The following DSCAM variants were observed in gnomAD, a reference collection of about 807,000 sequenced individuals.
The protein encoded by DSCAM is DS cell adhesion molecule, also known as cell adhesion molecule DSCAM.
In DSCAM, 47 loss-of-function variants were observed where a neutral mutation model predicts 217.7. That is an observed-to-expected ratio of 0.22 (90% CI 0.17 to 0.28). DSCAM has a LOEUF of 0.28. Among genes scored for constraint, DSCAM ranks in the 10% least tolerant of loss-of-function variants. The pLI, the probability that DSCAM is intolerant of heterozygous loss-of-function variation, is 1.00. For missense variants in DSCAM, 2,080 were observed against 2,618.3 expected (o/e 0.79, Z 4.49); for synonymous variants, 1,056 against 1,015.3 (o/e 1.04, Z -0.76).
chr21:40,450,072 A>C (rs1168686550), intron 3 of DSCAM, among the ~76,000 whole-genome samples: 1 of 152,212 alleles, frequency 6.6e-6, no homozygotes, highest in East Asian at 1.9e-4. Flanking sequence ...ACACATCAAC[A>C]TAAATGTCAA....
chr21:40,377,366 G>A lies in DSCAM; in HGVS notation c.509-8121C>T, dbSNP rs536562180. 1.6e-3 allele frequency among the ~76,000 whole-genome samples: 243 copies of A among 152,136 alleles called. 1 individual carries two copies. The highest frequency in any genetic ancestry group is 5.0e-3 in the Admixed American group (76 of 15,284). On this transcript the variant is annotated intron_variant, in intron 3 of 32. Coordinates refer to ENST00000400454, the MANE Select transcript of DSCAM (RefSeq NM_001389.5). ...TTGGGCCATGGCACAAGTGTGAGACGGCAAGGCATGGGCAAGCGGAGGTAC... is the reference window on the plus strand; with the variant it reads ...TTGGGCCATGGCACAAGTGTGAGACAGCAAGGCATGGGCAAGCGGAGGTAC...
intron 3 of DSCAM, among the ~76,000 whole-genome samples, chr21:40,563,405 A>T (rs2076735778): frequency 6.7e-6 from 1 of 149,814 alleles, no homozygotes; most frequent in South Asian, 2.1e-4. Context: ...GAGAACTTCA[A>T]TCCAGAAATT....
At chr21:40,560,014 C>G (rs1234587634) in intron 3 of DSCAM, among the ~76,000 whole-genome samples, 2 of 152,022 alleles carry the variant, frequency 1.3e-5, no homozygotes, top group East Asian at 3.9e-4. Flanking sequence ...AGGATGGTCT[C>G]GATCTCCTGA....
At chr21:40,619,252 TTATAA>T (rs578025806) in intron 3 of DSCAM, among the ~76,000 whole-genome samples, 146 of 152,278 alleles carry the variant, frequency 9.6e-4, no homozygotes, top group Non-Finnish European at 9.6e-4. Flanking sequence ...ACCAGATTTA[TTATAA>T]TATGTGATAT....
At chr21:40,557,287 T>C (rs1007068237) in intron 3 of DSCAM, among the ~76,000 whole-genome samples, 8 of 152,238 alleles carry the variant, frequency 5.3e-5, no homozygotes, top group African/African-American at 1.9e-4. Context: ...ATTCCCCTTC[T>C]CTCGGGAATT....
rs758233231 is a variant in DSCAM at position 40,339,263 on chromosome 21, T to G, written c.1363A>C (p.Ile455Leu). Residue 455 changes from isoleucine to leucine, a missense_variant, in exon 7 of 33, where the codon ATC (isoleucine) becomes CTC (leucine). Transcript: ENST00000400454. ...DPILKGGSHR[I>L]SQMITSEGNV... is the part of the protein sequence containing the mutation. ...CCCTCCGACGTGATCATCTGGCTGA[T>G]GCGGTGACTGCCACCCTTGAGAATC... 1 of 1,614,190 alleles carries G rather than the reference T, an allele frequency of 6.2e-7. No individual in the cohort carries two copies.
rs150188608 is a variant in DSCAM at position 40,773,047 on chromosome 21, G to A, written c.44-64276C>T. On this transcript the variant is annotated intron_variant, in intron 1 of 32. Transcript: ENST00000400454. Reference sequence around the variant, plus strand: ...CATATCCCTGCAGGGCGCTCTGTGCGCCAGAGCCAGCCTGTGAGGTCAGAC... The same window carrying A: ...CATATCCCTGCAGGGCGCTCTGTGCACCAGAGCCAGCCTGTGAGGTCAGAC... 4.9e-3 allele frequency among the ~76,000 whole-genome samples: 752 copies of A among 152,316 alleles called. 6 individuals carry two copies. Among genetic ancestry groups the A allele is most frequent in the African/African-American group, 0.017 (714 of 41,564 alleles).
chr21:40,790,421 G>A lies in DSCAM; in HGVS notation c.43+56198C>T, dbSNP rs559424492. Among the ~76,000 whole-genome samples, 55 of 152,162 alleles carry A rather than the reference G, an allele frequency of 3.6e-4. 1 individual carries two copies. In the South Asian group the frequency reaches 0.011, roughly 29 times the overall value. On this transcript the variant is annotated intron_variant, in intron 1 of 32. Coordinates refer to ENST00000400454, the MANE Select transcript of DSCAM (RefSeq NM_001389.5). Reference sequence around the variant, plus strand: ...AACGTTTATCTTTCTCAAGCTTCTCGTAGTTAGCTTTTTCTTACTGGCCCT... The same window carrying A: ...AACGTTTATCTTTCTCAAGCTTCTCATAGTTAGCTTTTTCTTACTGGCCCT...
Position 40,160,051 on chromosome 21 carries a change from G to GT in DSCAM, c.3018+7166dup, listed in dbSNP as rs575092881. On this transcript the variant is annotated intron_variant, in intron 16 of 32. Coordinates refer to ENST00000400454, the MANE Select transcript of DSCAM (RefSeq NM_001389.5). ...ATCTAGGATAGGGATCCAAATCGGG[G>GT]TTGTTAATCAAGGGACCACCTTATG... Among the ~76,000 whole-genome samples, 378 of 152,318 alleles carry GT rather than the reference G, an allele frequency of 2.5e-3. 1 individual carries two copies. Among genetic ancestry groups the GT allele is most frequent in the African/African-American group, 8.7e-3 (363 of 41,568 alleles).
chr21:40,827,487 G>A (rs199769025), intron 1 of DSCAM, among the ~76,000 whole-genome samples: 112 of 116,282 alleles, frequency 9.6e-4, no homozygotes, highest in African/African-American at 2.3e-3. Context: ...AAAAAAAAAA[G>A]AAAAGAAAGA....
At chr21:40,346,558 C>G (rs2074560196) in intron 6 of DSCAM, among the ~76,000 whole-genome samples, 1 of 151,992 alleles carries the variant, frequency 6.6e-6, no homozygotes, top group Non-Finnish European at 1.5e-5. Flanking sequence ...CAACAAGACA[C>G]ACAAATACAT....
chr21:40,177,556 G>T (rs2090747041), intron 15 of DSCAM, among the ~76,000 whole-genome samples: 1 of 152,110 alleles, frequency 6.6e-6, no homozygotes, highest in Non-Finnish European at 1.5e-5. Context: ...ATATCAGAAG[G>T]GTGAAAATGT....
At chr21:40,382,534 T>G (rs62223808) in intron 3 of DSCAM, among the ~76,000 whole-genome samples, 4,994 of 152,296 alleles carry the variant, frequency 0.033, 117 homozygotes, top group African/African-American at 0.061. Flanking sequence ...TTACATTTGT[T>G]TCCCAATGAC....
chr21:40,818,040 G>A (rs979678891), intron 1 of DSCAM, among the ~76,000 whole-genome samples: 2 of 138,966 alleles, frequency 1.4e-5, no homozygotes, highest in African/African-American at 2.7e-5. Flanking sequence ...AGCTTGCAGT[G>A]AGCCGAGATT....
intron 11 of DSCAM, among the ~76,000 whole-genome samples, chr21:40,193,573 G>A (rs1220016776): frequency 6.6e-6 from 1 of 152,092 alleles, no homozygotes; most frequent in Non-Finnish European, 1.5e-5. Context: ...CAACCCCCAC[G>A]CCCCAATTCC....
At chr21:40,559,604 C>T (rs1285745931) in intron 3 of DSCAM, among the ~76,000 whole-genome samples, 1 of 151,906 alleles carries the variant, frequency 6.6e-6, no homozygotes, top group Non-Finnish European at 1.5e-5. Flanking sequence ...TGTTGTAGTT[C>T]TGGGATCTCA....
At chr21:40,019,708 C>T (rs548107651) in intron 32 of DSCAM, among the ~76,000 whole-genome samples, 13 of 152,338 alleles carry the variant, frequency 8.5e-5, no homozygotes, top group Admixed American at 7.2e-4. Context: ...TGGGTACTCA[C>T]CTCCACTGGG....
rs1198708679 is a variant in DSCAM at position 40,339,053 on chromosome 21, C to T, written c.1507+66G>A. The T allele has an allele frequency of 3.8e-6, 6 of 1,574,114 alleles. No homozygotes were observed. In the East Asian group the frequency reaches 1.3e-4, roughly 35 times the overall value. On this transcript the variant is annotated intron_variant, in intron 7 of 32. Transcript: ENST00000400454. ...ATTCCAAGACCCAGCTCGGTGCATG[C>T]AGAAATCTTCTTCTCCACTATAATG...
intron 3 of DSCAM, among the ~76,000 whole-genome samples, chr21:40,531,117 C>T (rs779523262): frequency 2.6e-5 from 4 of 152,296 alleles, no homozygotes; most frequent in East Asian, 1.9e-4. Context: ...CTCTCTCCAG[C>T]TACAATCTCC....
Sources: allele counts gnomAD v4.1 joint callset (sites outside exome capture counted in the v4.1 genomes callset), GRCh38; gene constraint gnomAD v4.1.1; transcripts MANE v1.5; gene names NCBI Gene and HGNC (gene_info 2026-07-23, HGNC 2026-07-21).